GSG1L: variants seen among roughly 807,000 people sequenced by gnomAD.
The protein encoded by GSG1L is germ cell-specific gene 1-like protein.
A neutral mutation model predicts 42.1 loss-of-function variants in GSG1L; 24 were observed. The ratio of observed to expected loss-of-function variants is 0.57; its 90% confidence interval spans 0.41 to 0.80. The LOEUF is 0.80. GSG1L is among the 30% of genes least tolerant of loss of function. The probability of loss-of-function intolerance (pLI) is 0.00; values close to 1 mark genes in which losing one functional copy is unlikely to be tolerated. For missense variants in GSG1L, 445 were observed against 472.2 expected (o/e 0.94, Z 0.53); for synonymous variants, 215 against 203.5 (o/e 1.06, Z -0.48).
intron 3 of GSG1L, among the ~76,000 whole-genome samples, chr16:27,875,105 T>C (rs1358368932): frequency 6.6e-6 from 1 of 152,204 alleles, no homozygotes; most frequent in African/African-American, 2.4e-5. Flanking sequence ...GCGTCATCTG[T>C]GGCTTTGGTT....
chr16:28,047,400 T>TA lies in GSG1L; in HGVS notation c.349+15675dup, dbSNP rs572999593. On this transcript the variant is annotated intron_variant, in intron 1 of 6. Transcript: ENST00000447459. The stretch of plus-strand genomic sequence containing the variant: ...AAACCTAATCTATATAGTAAAAGAT[T>TA]AAAAAAAAACTAAAAATTGGGAACA... Among the ~76,000 whole-genome samples the TA allele has an allele frequency of 4.6e-3, 691 of 151,428 alleles. 7 individuals carry two copies. The highest frequency in any genetic ancestry group is 4.0e-3 in the Non-Finnish European group (268 of 67,828).
intron 1 of GSG1L, among the ~76,000 whole-genome samples, chr16:28,022,119 T>A (rs1166140935): frequency 6.6e-6 from 1 of 152,004 alleles, no homozygotes. Flanking sequence ...ATAAAGTGAG[T>A]CAAGGAATTG....
intron 5 of GSG1L, among the ~76,000 whole-genome samples, chr16:27,810,880 G>T (rs2083023260): frequency 6.6e-6 from 1 of 152,064 alleles, no homozygotes. Flanking sequence ...AGAGATGGGG[G>T]TCTCGCCATG....
intron 3 of GSG1L, among the ~76,000 whole-genome samples, chr16:27,879,292 G>A (rs1457904707): frequency 2.0e-5 from 3 of 152,084 alleles, no homozygotes; most frequent in Non-Finnish European, 2.9e-5. Flanking sequence ...AACTCCTCAC[G>A]GATACTAAAA....
At chr16:28,029,806 G>A (rs1216064485) in intron 1 of GSG1L, among the ~76,000 whole-genome samples, 1 of 152,224 alleles carries the variant, frequency 6.6e-6, no homozygotes, top group African/African-American at 2.4e-5. Context: ...CTCTTGCTGA[G>A]TCAGGATTTT....
chr16:27,855,861 C>T (rs1335393875), intron 3 of GSG1L, among the ~76,000 whole-genome samples: 1 of 151,990 alleles, frequency 6.6e-6, no homozygotes, highest in Non-Finnish European at 1.5e-5. Context: ...GGTACAGGGG[C>T]CCCTGGAGCC....
intron 2 of GSG1L, among the ~76,000 whole-genome samples, chr16:27,926,600 A>T (rs1395382204): frequency 6.6e-6 from 1 of 152,210 alleles, no homozygotes; most frequent in Non-Finnish European, 1.5e-5. Flanking sequence ...GAGGCAGGAA[A>T]ATTGCTTGAA....
chr16:27,863,316 G>A (rs2083677335), intron 3 of GSG1L: 1 of 152,126 alleles, frequency 6.6e-6, no homozygotes, highest in Non-Finnish European at 1.5e-5. Context: ...TGACCCCTAT[G>A]GAAGGTTGAC....
In GSG1L at chr16:27,810,099, T is replaced by C. The variant is rs182994955; in HGVS notation, c.831-2545A>G. 5.9e-5 allele frequency among the ~76,000 whole-genome samples: 9 copies of C among 152,376 alleles called. No homozygotes were observed. In the East Asian group the frequency reaches 1.7e-3, roughly 29 times the overall value. On this transcript the variant is annotated intron_variant, in intron 5 of 6. Transcript: ENST00000447459. ...CCTTCTCTGTTGGCACCAGATGCTG[T>C]GTGGACAGAAATGTCTCTTTCGTAA...
At chr16:27,842,355 G>A (rs2083395423) in intron 4 of GSG1L, among the ~76,000 whole-genome samples, 1 of 152,172 alleles carries the variant, frequency 6.6e-6, no homozygotes, top group South Asian at 2.1e-4. Context: ...TATGGCTCTA[G>A]AGCCAGACTG....
At chr16:27,867,636 G>A (rs1459046937) in intron 3 of GSG1L, among the ~76,000 whole-genome samples, 2 of 152,206 alleles carry the variant, frequency 1.3e-5, no homozygotes, top group Admixed American at 6.5e-5. Flanking sequence ...CTTTGGCCTC[G>A]GTTTCCCTGC....
chr16:27,869,615 C>G (rs2083779200), intron 3 of GSG1L, among the ~76,000 whole-genome samples: 1 of 144,722 alleles, frequency 6.9e-6, no homozygotes, highest in South Asian at 2.3e-4. Flanking sequence ...CTCCATCTCT[C>G]TCTCCTCTCT....
At chr16:27,902,567 G>C (rs577503350) in intron 2 of GSG1L, among the ~76,000 whole-genome samples, 17 of 151,932 alleles carry the variant, frequency 1.1e-4, no homozygotes, top group South Asian at 2.1e-4. Flanking sequence ...GGGAGGGAGA[G>C]GGGGGGCCGC....
At chr16:27,900,246 G>A (rs2084240835) in intron 2 of GSG1L, among the ~76,000 whole-genome samples, 1 of 152,230 alleles carries the variant, frequency 6.6e-6, no homozygotes, top group African/African-American at 2.4e-5. Flanking sequence ...AGCACCCACG[G>A]AGGGCCAAGC....
chr16:27,963,074 A>C, intron 2 of GSG1L, 82 bp downstream of exon 2: 3 of 1,186,350 alleles, frequency 2.5e-6, no homozygotes, highest in Non-Finnish European at 1.3e-6. Flanking sequence ...ATGCTATCAC[A>C]GGGCTTTGGG....
intron 1 of GSG1L, among the ~76,000 whole-genome samples, chr16:27,979,653 AAGAAAGAAAG>A (rs1412497234): frequency 1.5e-4 from 10 of 66,652 alleles, no homozygotes; most frequent in African/African-American, 6.4e-4. Context: ...GAAAGAAAGA[AAGAAAGAAAG>A]AGAGAGAGAG....
intron 6 of GSG1L, among the ~76,000 whole-genome samples, chr16:27,803,796 G>T (rs62031087): frequency 0.16 from 11,769 of 72,382 alleles, 696 homozygotes; most frequent in Admixed American, 0.24. Context: ...TATATATATA[G>T]ATAGATAGAT....
At chr16:27,832,810 G>T (rs2083287024) in intron 4 of GSG1L, among the ~76,000 whole-genome samples, 1 of 152,148 alleles carries the variant, frequency 6.6e-6, no homozygotes, top group Non-Finnish European at 1.5e-5. Context: ...TAATTGGATT[G>T]TTTTGTTGTT....
chr16:27,934,270 G>A (rs138849827), intron 2 of GSG1L, among the ~76,000 whole-genome samples: 175 of 152,304 alleles, frequency 1.1e-3, no homozygotes, highest in African/African-American at 2.6e-3. Flanking sequence ...TGGGCCAGGC[G>A]TGGTGGCTCA....
Sources: gnomAD v4.1 joint callset for allele counts (sites outside exome capture counted in the v4.1 genomes callset) on GRCh38, gnomAD v4.1.1 for gene constraint, MANE v1.5 for transcripts, NCBI Gene and HGNC (gene_info 2026-07-23, HGNC 2026-07-21) for gene names.